The following UNK variants were observed in gnomAD, a reference collection of about 807,000 sequenced individuals.
The protein encoded by UNK is unk zinc finger.
A neutral mutation model predicts 97.6 loss-of-function variants in UNK; 32 were observed. That is an observed-to-expected ratio of 0.33 (90% confidence interval 0.25 to 0.44). UNK has a LOEUF of 0.44. Among genes scored for constraint, UNK ranks in the 20% least tolerant of loss-of-function variants. The pLI, the probability that UNK is intolerant of heterozygous loss-of-function variation, is 1.00. For missense variants in UNK, 771 were observed against 1,098.4 expected (o/e 0.70, Z 4.21); for synonymous variants, 441 against 461.2 (o/e 0.96, Z 0.56).
intron 1 of UNK, among the ~76,000 whole-genome samples, chr17:75,803,509 CTGG>C (rs2061882726): frequency 6.6e-6 from 1 of 152,164 alleles, no homozygotes; most frequent in South Asian, 2.1e-4. Context: ...TCTTTTACAG[CTGG>C]TGGTGGTAAA....
At chr17:75,807,864 C>T (rs771364130) in intron 1 of UNK, among the ~76,000 whole-genome samples, 3 of 152,178 alleles carry the variant, frequency 2.0e-5, no homozygotes, top group Non-Finnish European at 2.9e-5. Context: ...GCTAGGATTA[C>T]AGGCATGAGC....
At chr17:75,794,178 A>G in intron 1 of UNK, 2 of 969,956 alleles carry the variant, frequency 2.1e-6, no homozygotes, top group South Asian at 9.5e-5. Context: ...TTAAATATCC[A>G]GTAGAGCATG....
rs1201800206 is a variant in UNK at position 75,819,694 on chromosome 17, G to C, written c.1557G>C (p.Leu519Phe). ...DTVESVIESA[L>F]DDLDLNEFGV... ...CTTCTCTGTCCCTAGAGTCTGCTTTGGATGACCTGGACCTGAATGAGTTTG... is the reference window on the plus strand; with the variant it reads ...CTTCTCTGTCCCTAGAGTCTGCTTTCGATGACCTGGACCTGAATGAGTTTG... The change falls in exon 12 of 16, where the codon TTG becomes TTC. Residue 519 changes from leucine (L) to phenylalanine (F), a missense_variant. Leu to Phe is a conservative substitution (Grantham distance 22, BLOSUM62 0). Around this residue, in one of 5 missense-constraint regions of UNK, gnomAD observed 91 missense variants for 173.1 expected, o/e 0.53. Coordinates refer to ENST00000589666, the MANE Select transcript of UNK (RefSeq NM_001080419.3). The surrounding 1 kb of genome is among the most constrained non-coding windows in gnomAD (Gnocchi z 5.4). 3.1e-6 allele frequency: 5 copies of C among 1,613,850 alleles called. No individual in the cohort carries two copies. In the East Asian group the frequency reaches 1.1e-4, roughly 36 times the overall value.
rs56221993 is a variant in UNK, at chr17:75,802,242, C to CTTTT, written c.105-7487_105-7484dup. 3.9e-3 allele frequency among the ~76,000 whole-genome samples: 184 copies of CTTTT among 47,266 alleles called. 41 individuals are homozygous for CTTTT. Among genetic ancestry groups the CTTTT allele is most frequent in the East Asian group, 0.026 (28 of 1,094 alleles). 31.0% of individuals were successfully genotyped at this position (47,266 alleles called of 152,430 possible). On this transcript the variant is annotated intron_variant, in intron 1 of 15. Coordinates refer to ENST00000589666, the MANE Select transcript of UNK (RefSeq NM_001080419.3). ...TGATGGATTTTTTCAGCACAGATGT[C>CTTTT]TTTTTTTTTTTTTTTTTTTTTTTTT...
At chr17:75,812,607 C>A in intron 4 of UNK, 22 bp downstream of exon 4, 2 of 1,608,174 alleles carry the variant, frequency 1.2e-6, no homozygotes, top group South Asian at 2.2e-5. Context: ...CACACCTCGG[C>A]CGCGCCCTCC....
rs779059448 is a variant in UNK at position 75,820,048 on chromosome 17, G to A, written c.1777G>A (p.Gly593Ser). 1.7e-5 allele frequency: 27 copies of A among 1,613,836 alleles called. 1 individual carries two copies. The South Asian group carries it at 2.5e-4, about 15-fold the overall frequency. Reference protein sequence around the residue: ...LSSHFLQQPQGHLSQSENTFL... With the variant: ...LSSHFLQQPQSHLSQSENTFL... Reference sequence around the variant, plus strand: ...CTCGCATTTCCTGCAGCAGCCCCAGGGCCACCTGAGTCAGTCGGAAAACAC... The same window carrying A: ...CTCGCATTTCCTGCAGCAGCCCCAGAGCCACCTGAGTCAGTCGGAAAACAC... Residue 593 changes from glycine (G) to serine (S), a missense_variant, in exon 13 of 16, where the codon GGC becomes AGC. Around this residue, in one of 5 missense-constraint regions of UNK, gnomAD observed 91 missense variants for 173.1 expected, o/e 0.53. Coordinates refer to ENST00000589666, the MANE Select transcript of UNK (RefSeq NM_001080419.3).
rs188132181 is a variant in UNK, at chr17:75,792,226, C to G, written c.104+7242C>G. Reference sequence around the variant, plus strand: ...AAGCTGCATTACATTAAATAGTGGACTGGTCTAGTGATTATTTTCCCACAC... The same window carrying G: ...AAGCTGCATTACATTAAATAGTGGAGTGGTCTAGTGATTATTTTCCCACAC... On this transcript the variant is annotated intron_variant, in intron 1 of 15. Transcript: ENST00000589666. 4 of 918,660 alleles carry G rather than the reference C, an allele frequency of 4.4e-6. No homozygotes were observed. In the African/African-American group the frequency reaches 7.2e-5, roughly 16 times the overall value. 56.9% of individuals were successfully genotyped at this position (918,660 alleles called of 1,614,324 possible). A position where few individuals can be genotyped will look rare whatever the true frequency, so the allele number is the denominator to read the frequency against.
intron 1 of UNK, among the ~76,000 whole-genome samples, chr17:75,786,995 T>A (rs1350880986): frequency 2.6e-5 from 4 of 152,166 alleles, no homozygotes; most frequent in African/African-American, 9.7e-5. Flanking sequence ...GATGGGAGGT[T>A]GTAGGTGTTC....
In UNK at chr17:75,813,898, G is replaced by A. The variant is rs74319437; in HGVS notation, c.876+20G>A. On this transcript the variant is annotated intron_variant, in intron 6 of 15. Transcript: ENST00000589666. ...CCCGAGGTGGGCCCCACAGCAGGGT[G>A]GGGGGGTGGCTTTGGGAAGTAAGGA... is the stretch of plus-strand genomic sequence containing the variant. The A allele has an allele frequency of 8.4e-6, 13 of 1,539,136 alleles. No individual in the cohort carries two copies. Among genetic ancestry groups the A allele is most frequent in the Middle Eastern group, 3.4e-4 (2 of 5,906 alleles).
rs748908159 is a variant in UNK, at chr17:75,785,001, C to A, written c.104+17C>A. ...GCACTACACGTACGTAGAGCCCCCC[C>A]CCCCCCGCCGCGCGCGCACGCCTGA... On this transcript the variant is annotated intron_variant, in intron 1 of 15. Transcript: ENST00000589666. 3.1e-5 allele frequency: 43 copies of A among 1,400,050 alleles called. No homozygotes were observed. Among genetic ancestry groups the A allele is most frequent in the Non-Finnish European group, 3.8e-5 (41 of 1,073,542 alleles). 86.7% of individuals were successfully genotyped at this position (1,400,050 alleles called of 1,614,324 possible).
Position 75,816,854 on chromosome 17 carries a change from C to T in UNK, c.1046C>T (p.Ala349Val), listed in dbSNP as rs1599385892. Reference sequence around the variant, plus strand: ...GGTCCTGTCCTGTACATGCCATCTGCCGCCGGAGACTCGGTGCCTGTGAGC... The same window carrying T: ...GGTCCTGTCCTGTACATGCCATCTGTCGCCGGAGACTCGGTGCCTGTGAGC... ...QPGPVLYMPSAAGDSVPVSPS... is the reference protein window; with the variant it reads ...QPGPVLYMPSVAGDSVPVSPS... Residue 349 changes from alanine to valine, a missense_variant, in exon 8 of 16, where the codon GCC (alanine) becomes GTC (valine). Physicochemically the swap from Ala to Val is moderately conservative, Grantham distance 64. Transcript: ENST00000589666. The surrounding 1 kb of genome is among the most constrained non-coding windows in gnomAD (Gnocchi z 4.0). 1 of 1,607,464 alleles carries T rather than the reference C, an allele frequency of 6.2e-7. No individual in the cohort carries two copies. Among genetic ancestry groups the T allele is most frequent in the East Asian group, 2.2e-5 (1 of 44,836 alleles).
At position 75,816,123 on chromosome 17, in the gene UNK, CA is replaced by C. The variant is rs1252624491; in HGVS notation, c.962-646del. 1.3e-5 allele frequency among the ~76,000 whole-genome samples: 2 copies of C among 152,148 alleles called. No homozygotes were observed. Among genetic ancestry groups the C allele is most frequent in the African/African-American group, 2.4e-5 (1 of 41,428 alleles). On this transcript the variant is annotated intron_variant, in intron 7 of 15. Coordinates refer to ENST00000589666, the MANE Select transcript of UNK (RefSeq NM_001080419.3). This position sits in a 1 kb window ranked among gnomAD's most constrained non-coding sequence, Gnocchi z 4.0. ...GCCTGTTTCAGGGGCTCAGTAGCCACATGTGGCTTTCGGCTGCCTTGTGGGA... is the reference window on the plus strand; with the variant it reads ...GCCTGTTTCAGGGGCTCAGTAGCCACTGTGGCTTTCGGCTGCCTTGTGGGA...
At position 75,822,532 on chromosome 17, in the gene UNK, C is replaced by T. The variant is rs375734043; in HGVS notation, c.1893C>T (p.Ser631=). The change falls in exon 14 of 16, where the codon TCC becomes TCT. Residue 631 remains serine, a synonymous_variant. Coordinates refer to ENST00000589666, the MANE Select transcript of UNK (RefSeq NM_001080419.3). ...AGCATTTTGCCTCTGGAAGCTTCTCCCCGGGCACTTCCCCCGCTTTCCTAT... is the reference window on the plus strand; with the variant it reads ...AGCATTTTGCCTCTGGAAGCTTCTCTCCGGGCACTTCCCCCGCTTTCCTAT... ...IWEHFASGSF[S]PGTSPAFLSG... is the part of the protein sequence containing the mutation. 6.2e-7 allele frequency: 1 copy of T among 1,613,692 alleles called. No individual in the cohort carries two copies. Among genetic ancestry groups the T allele is most frequent in the Non-Finnish European group, 8.5e-7 (1 of 1,179,808 alleles).
chr17:75,810,626 C>T (rs969100961), intron 2 of UNK, among the ~76,000 whole-genome samples: 1 of 152,138 alleles, frequency 6.6e-6, no homozygotes, highest in Non-Finnish European at 1.5e-5. Context: ...TTCCCCCAGG[C>T]TGGAGTGCAG....
intron 6 of UNK, among the ~76,000 whole-genome samples, 179 bp from the exon 7 acceptor site, chr17:75,814,990 G>A (rs551704641): frequency 4.6e-5 from 7 of 152,258 alleles, no homozygotes; most frequent in Admixed American, 3.9e-4. Flanking sequence ...GAGTGGTGGT[G>A]GGCTGCCTCA....
At chr17:75,806,749 G>T (rs1370712335) in intron 1 of UNK, among the ~76,000 whole-genome samples, 2 of 152,188 alleles carry the variant, frequency 1.3e-5, no homozygotes, top group African/African-American at 4.8e-5. Flanking sequence ...CTCTAGCCCA[G>T]GCAACAGTGT....
At chr17:75,792,456 T>G in intron 1 of UNK, 1 of 985,452 alleles carries the variant, frequency 1.0e-6, no homozygotes, top group Non-Finnish European at 1.2e-6. Context: ...ACACTAATTG[T>G]TATGTGAAGA....
intron 13 of UNK, 55 bp from the exon 14 acceptor site, chr17:75,822,422 C>T (rs2062077197): frequency 2.6e-6 from 4 of 1,546,702 alleles, no homozygotes; most frequent in Non-Finnish European, 3.5e-6. Flanking sequence ...CAGGGCTGGC[C>T]AGGGCCTGGG....
chr17:75,798,300 CTCAGGTGA>C (rs2061825118), intron 1 of UNK, among the ~76,000 whole-genome samples: 1 of 152,016 alleles, frequency 6.6e-6, no homozygotes, highest in African/African-American at 2.4e-5. Flanking sequence ...TCGAACTGAC[CTCAGGTGA>C]TCCCCCCACC....
Sources: allele counts gnomAD v4.1 joint callset (sites outside exome capture counted in the v4.1 genomes callset), GRCh38; gene constraint gnomAD v4.1.1; regional missense constraint gnomAD v4.1.1; non-coding constraint Gnocchi (gnomAD v3.1); transcripts MANE v1.5; gene names NCBI Gene and HGNC (gene_info 2026-07-23, HGNC 2026-07-21).